Variants in ALMS1 observed in about 807,000 individuals in gnomAD.
The protein encoded by ALMS1 is centrosome-associated protein ALMS1.
A neutral mutation model predicts 352.2 loss-of-function variants in ALMS1; 271 were observed. That is an observed-to-expected ratio of 0.77 (90% CI 0.70 to 0.85). ALMS1 has a LOEUF of 0.85. Ranked by LOEUF, ALMS1 falls within the 40% of genes least tolerant of loss-of-function variation. The pLI, the probability that ALMS1 is intolerant of heterozygous loss-of-function variation, is 0.00. For missense variants in ALMS1, 5,445 were observed against 4,870.7 expected (o/e 1.12, Z -3.51); for synonymous variants, 1,865 against 1,761.2 (o/e 1.06, Z -1.48).
chr2:73,528,643 A>T (rs1449829909), intron 11 of ALMS1, among the ~76,000 whole-genome samples: 1 of 152,076 alleles, frequency 6.6e-6, no homozygotes, highest in Non-Finnish European at 1.5e-5. Context: ...TCTTGTAGGA[A>T]ATAGATGGTT....
At chr2:73,500,946 C>T (rs1272944282) in intron 10 of ALMS1, among the ~76,000 whole-genome samples, 1 of 152,062 alleles carries the variant, frequency 6.6e-6, no homozygotes, top group Non-Finnish European at 1.5e-5. Context: ...GTTTTTTGTT[C>T]CCATTAACTG....
chr2:73,497,076 T>C (rs1673124510), intron 10 of ALMS1, among the ~76,000 whole-genome samples: 1 of 152,198 alleles, frequency 6.6e-6, no homozygotes, highest in South Asian at 2.1e-4. Flanking sequence ...AATTAATTGA[T>C]TTTTAAATGG....
chr2:73,406,107 G>T (rs527507005), intron 1 of ALMS1, among the ~76,000 whole-genome samples: 1 of 152,124 alleles, frequency 6.6e-6, no homozygotes, highest in Non-Finnish European at 1.5e-5. Flanking sequence ...TGGAAAGTTG[G>T]TTATTGAAGT....
Position 73,450,185 on chromosome 2 carries a change from C to T in ALMS1, c.3658C>T (p.Pro1220Ser), listed in dbSNP as rs768322072. Residue 1220 changes from proline to serine, a missense_variant, in exon 8 of 23, where the codon CCT (proline) becomes TCT (serine). Physicochemically the swap from Pro to Ser is moderately conservative, Grantham distance 74. Coordinates refer to ENST00000613296, the MANE Select transcript of ALMS1 (RefSeq NM_001378454.1). ...ACCTGAAGAGGCACAGAAAGTTTCA[C>T]CTGTTCTTGGACCAGCTGACCAGAA... Reference protein sequence around the residue: ...HIPEEAQKVSPVLGPADQKTG... With the variant: ...HIPEEAQKVSSVLGPADQKTG... 3 of 1,613,590 alleles carry T rather than the reference C, an allele frequency of 1.9e-6. No individual in the cohort carries two copies. The highest frequency in any genetic ancestry group is 2.2e-5 in the South Asian group (2 of 91,040).
chr2:73,465,731 CCTA>C (rs1030773200), intron 9 of ALMS1, among the ~76,000 whole-genome samples: 4 of 151,462 alleles, frequency 2.6e-5, no homozygotes, highest in Non-Finnish European at 4.4e-5. Context: ...ATTTTCGCAA[CCTA>C]CTCATCTGAC....
intron 6 of ALMS1, among the ~76,000 whole-genome samples, chr2:73,430,602 TC>T (rs1168446050): frequency 1.3e-5 from 2 of 152,214 alleles, no homozygotes; most frequent in Non-Finnish European, 2.9e-5. Context: ...ATGATGGTAG[TC>T]CCATAAGATT....
intron 7 of ALMS1, among the ~76,000 whole-genome samples, chr2:73,440,381 T>A (rs920990999): frequency 6.6e-6 from 1 of 152,226 alleles, no homozygotes; most frequent in African/African-American, 2.4e-5. Context: ...TTTCAGACTT[T>A]GTTTCTTTGA....
intron 13 of ALMS1, among the ~76,000 whole-genome samples, chr2:73,552,161 G>A (rs188934167): frequency 1.3e-5 from 2 of 152,108 alleles, no homozygotes; most frequent in African/African-American, 2.4e-5. Flanking sequence ...CCATTAACTC[G>A]TCATTTAGCA....
chr2:73,604,480 T>C (rs975504471), intron 21 of ALMS1, among the ~76,000 whole-genome samples: 9 of 152,210 alleles, frequency 5.9e-5, no homozygotes, highest in South Asian at 2.1e-4. Flanking sequence ...GAGAATAAGG[T>C]TGACTTTTTT....
intron 7 of ALMS1, among the ~76,000 whole-genome samples, chr2:73,434,473 G>A (rs532703729): frequency 2.2e-4 from 33 of 152,260 alleles, no homozygotes; most frequent in African/African-American, 7.9e-4. Flanking sequence ...CTGTCTTTAA[G>A]TTTTATTGAG....
intron 9 of ALMS1, chr2:73,470,894 C>T (rs1449102683): frequency 6.6e-6 from 1 of 151,800 alleles, no homozygotes; most frequent in South Asian, 2.1e-4. Context: ...AAGTCTATAT[C>T]GTCTGATAGT....
chr2:73,588,510 GTT>G (rs1197981250), intron 16 of ALMS1, among the ~76,000 whole-genome samples: 2 of 151,656 alleles, frequency 1.3e-5, no homozygotes, highest in African/African-American at 4.8e-5. Flanking sequence ...TTCTCTGTGT[GTT>G]TTCACTCTTT....
intron 10 of ALMS1, among the ~76,000 whole-genome samples, chr2:73,516,296 A>G (rs1439554331): frequency 3.3e-5 from 5 of 152,184 alleles, no homozygotes; most frequent in Non-Finnish European, 7.4e-5. Flanking sequence ...AAAAAAAATA[A>G]CAGGTGTTGG....
chr2:73,390,863 C>G (rs1224556355), intron 1 of ALMS1, among the ~76,000 whole-genome samples: 1 of 151,934 alleles, frequency 6.6e-6, no homozygotes, highest in Admixed American at 6.6e-5. Flanking sequence ...CTCCGCCTCC[C>G]GGGTTCAAGT....
intron 20 of ALMS1, 84 bp downstream of exon 20, chr2:73,602,452 A>G: frequency 6.6e-7 from 1 of 1,525,072 alleles, no homozygotes; most frequent in Admixed American, 1.7e-5. Context: ...GCTAAAGGCC[A>G]GCCCAGGCCA....
chr2:73,488,000 A>T (rs909918011), intron 9 of ALMS1, among the ~76,000 whole-genome samples: 2 of 152,054 alleles, frequency 1.3e-5, no homozygotes, highest in Non-Finnish European at 2.9e-5. Context: ...AGGGGAGGAG[A>T]TGCATGCCAA....
chr2:73,590,771 C>A (rs183917164), intron 16 of ALMS1, among the ~76,000 whole-genome samples: 2 of 148,412 alleles, frequency 1.3e-5, no homozygotes, highest in African/African-American at 5.0e-5. Context: ...CTCCACCTTG[C>A]GGGTTCAAGC....
At position 73,448,052 on chromosome 2, in the gene ALMS1, C is replaced by G; in HGVS notation, c.1525C>G (p.His509Asp). ...TCCTGTTGATTCAGACATTGGATCT[C>G]ATTTATCCTTGTCCCTTGAGGACCT... Reference protein sequence around the residue: ...TTPVDSDIGSHLSLSLEDLSQ... With the variant: ...TTPVDSDIGSDLSLSLEDLSQ... Residue 509 changes from histidine (H) to aspartate (D), a missense_variant, in exon 8 of 23, where the codon CAT becomes GAT. Coordinates refer to ENST00000613296, the MANE Select transcript of ALMS1 (RefSeq NM_001378454.1). The G allele has an allele frequency of 6.2e-7, 1 of 1,613,946 alleles. No individual in the cohort carries two copies.
At chr2:73,416,626 C>T (rs1166834152) in intron 2 of ALMS1, among the ~76,000 whole-genome samples, 2 of 151,984 alleles carry the variant, frequency 1.3e-5, no homozygotes, top group Admixed American at 6.5e-5. Flanking sequence ...CTGTACCACC[C>T]GGGAATTAAA....
Sources: allele counts gnomAD v4.1 joint callset (sites outside exome capture counted in the v4.1 genomes callset), GRCh38; gene constraint gnomAD v4.1.1; transcripts MANE v1.5; gene names NCBI Gene and HGNC (gene_info 2026-07-23, HGNC 2026-07-21).